The following FAM120B variants were observed in gnomAD, a reference collection of about 807,000 sequenced individuals.
The protein encoded by FAM120B is constitutive coactivator of peroxisome proliferator-activated receptor gamma.
A neutral mutation model predicts 96.3 loss-of-function variants in FAM120B; 83 were observed. That is an observed-to-expected ratio of 0.86 (90% CI 0.72 to 1.03). The LOEUF is 1.03. Among genes scored for constraint, FAM120B ranks in the 50% least tolerant of loss-of-function variants. The pLI, the probability that FAM120B is intolerant of heterozygous loss-of-function variation, is 0.00. For missense variants in FAM120B, 1,027 were observed against 1,121.2 expected, an observed-to-expected ratio of 0.92 and a Z score of 1.20; for synonymous variants, 407 against 402.7, an observed-to-expected ratio of 1.01 and a Z score of -0.13.
At chr6:170,298,306 C>A (rs1784067217) in intron 1 of FAM120B, 1 of 152,170 alleles carries the variant, frequency 6.6e-6, no homozygotes, top group African/African-American at 2.4e-5. Context: ...AAAGAAGGAA[C>A]AAAATTTAGG....
chr6:170,404,092 G>T (rs1303906835), intron 9 of FAM120B: 2 of 157,526 alleles, frequency 1.3e-5, no homozygotes, highest in Admixed American at 6.5e-5. Flanking sequence ...CTACTAGTAG[G>T]GAGGTTCTGC....
At chr6:170,383,125 G>T (rs1196033675) in intron 6 of FAM120B, among the ~76,000 whole-genome samples, 2 of 149,300 alleles carry the variant, frequency 1.3e-5, no homozygotes, top group East Asian at 3.9e-4. Flanking sequence ...AAAGGACCTT[G>T]TCTTTGGCCT....
At position 170,318,367 on chromosome 6, in the gene FAM120B, A is replaced by G; in HGVS notation, c.977A>G (p.Lys326Arg). The G allele has an allele frequency of 6.2e-7, 1 of 1,614,234 alleles. No individual in the cohort carries two copies. The highest frequency in any genetic ancestry group is 2.2e-5 in the East Asian group (1 of 44,886). The stretch of plus-strand genomic sequence containing the variant: ...CCCAAAGGTGTAATAACTTTGGACA[A>G]ACAAGTAATATCCACGAGTTCAGAC... The part of the protein sequence containing the change: ...QKPKGVITLD[K>R]QVISTSSDAE... The change falls in exon 2 of 11, where the codon AAA (lysine) becomes AGA (arginine). Residue 326 changes from lysine to arginine, a missense_variant. Lys to Arg is a conservative substitution (Grantham distance 26). Transcript: ENST00000476287.
intron 5 of FAM120B, among the ~76,000 whole-genome samples, chr6:170,351,589 G>A (rs1179652097): frequency 1.3e-5 from 2 of 152,234 alleles, no homozygotes; most frequent in African/African-American, 4.8e-5. Context: ...CAGACTAACA[G>A]CAGACCTCTC....
intron 1 of FAM120B, among the ~76,000 whole-genome samples, chr6:170,296,629 C>T (rs1784016927): frequency 2.0e-5 from 3 of 151,974 alleles, no homozygotes; most frequent in Middle Eastern, 6.8e-3. Flanking sequence ...CCCTGGGGGC[C>T]GGGGTCGGCG....
At chr6:170,293,068 T>C (rs996289751), upstream of FAM120B, among the ~76,000 whole-genome samples, 2 of 152,160 alleles carry the variant, frequency 1.3e-5, no homozygotes, top group Non-Finnish European at 2.9e-5. Flanking sequence ...AATTTAATCT[T>C]GCCACCTAGT....
chr6:170,396,640 G>A (rs186235125), intron 9 of FAM120B, among the ~76,000 whole-genome samples: 10 of 152,162 alleles, frequency 6.6e-5, no homozygotes, highest in Non-Finnish European at 1.2e-4. Context: ...CACTGAACAC[G>A]TGCAGTCCAT....
intron 4 of FAM120B, among the ~76,000 whole-genome samples, 184 bp from the exon 5 acceptor site, chr6:170,347,967 G>A (rs145865248): frequency 1.2e-3 from 179 of 152,168 alleles, no homozygotes; most frequent in Non-Finnish European, 2.3e-3. Context: ...TGAAACGTAC[G>A]TATGCCAGCC....
At chr6:170,301,555 G>GT (rs1048224121) in intron 1 of FAM120B, among the ~76,000 whole-genome samples, 3 of 152,154 alleles carry the variant, frequency 2.0e-5, no homozygotes, top group African/African-American at 7.2e-5. Context: ...CAGAAAATGG[G>GT]TTTTTTTAAT....
At chr6:170,395,329 G>A (rs1266993660) in intron 8 of FAM120B, among the ~76,000 whole-genome samples, 158 bp from the exon 9 acceptor site, 1 of 152,214 alleles carries the variant, frequency 6.6e-6, no homozygotes, top group Non-Finnish European at 1.5e-5. Flanking sequence ...GTTCTCTGGG[G>A]ATGCAACCCT....
intron 6 of FAM120B, among the ~76,000 whole-genome samples, chr6:170,360,240 T>C (rs1788253491): frequency 6.6e-6 from 1 of 152,244 alleles, no homozygotes; most frequent in African/African-American, 2.4e-5. Flanking sequence ...CTTAAGGACA[T>C]ACGGCAAGTA....
intron 1 of FAM120B, among the ~76,000 whole-genome samples, chr6:170,316,058 C>CA (rs35344814): frequency 0.4 from 36,576 of 91,632 alleles, 8,329 homozygotes; most frequent in Middle Eastern, 0.46. Context: ...GACCCGGTCT[C>CA]AAAAAAAAAA....
chr6:170,352,915 A>G (rs887261538), intron 5 of FAM120B, among the ~76,000 whole-genome samples: 2 of 152,170 alleles, frequency 1.3e-5, no homozygotes, highest in Non-Finnish European at 2.9e-5. Flanking sequence ...ATAGAGACAC[A>G]AAAAACCTTT....
chr6:170,363,805 C>A lies in FAM120B; in HGVS notation c.2283+5487C>A, dbSNP rs147809837. Among the ~76,000 whole-genome samples, 1 of 152,124 alleles carries A rather than the reference C, an allele frequency of 6.6e-6. No individual in the cohort carries two copies. The highest frequency in any genetic ancestry group is 1.5e-5 in the Non-Finnish European group (1 of 68,036). On this transcript the variant is annotated intron_variant, in intron 6 of 10. Transcript: ENST00000476287. This position sits in a 1 kb window ranked among gnomAD's most constrained non-coding sequence, Gnocchi z 4.5. ...TTTTAGACAGAGTCTCACCCTGTCA[C>A]CCAGGCTAGAGTGCAGTGGCGCGAA...
upstream of FAM120B, among the ~76,000 whole-genome samples, chr6:170,293,222 A>G (rs1164368825): frequency 6.6e-6 from 1 of 152,168 alleles, no homozygotes; most frequent in Non-Finnish European, 1.5e-5. Flanking sequence ...CAGGAGCAGA[A>G]GAAATGTAAA....
chr6:170,327,754 A>G (rs567878638), intron 3 of FAM120B, among the ~76,000 whole-genome samples: 23 of 132,436 alleles, frequency 1.7e-4, no homozygotes, highest in South Asian at 5.2e-4. Flanking sequence ...CCATGAGTGA[A>G]TGAAGAGTCA....
chr6:170,396,075 C>T (rs896164983), intron 9 of FAM120B, among the ~76,000 whole-genome samples: 7 of 152,178 alleles, frequency 4.6e-5, no homozygotes, highest in African/African-American at 9.7e-5. Flanking sequence ...TTAAATACAT[C>T]GAGAACTTCA....
At chr6:170,357,595 G>A (rs1409086043) in intron 5 of FAM120B, among the ~76,000 whole-genome samples, 1 of 152,230 alleles carries the variant, frequency 6.6e-6, no homozygotes, top group African/African-American at 2.4e-5. Context: ...GTTGCCAAAA[G>A]TGGATGATGA....
intron 4 of FAM120B, among the ~76,000 whole-genome samples, chr6:170,339,675 A>G (rs776680956): frequency 2.7e-5 from 4 of 150,494 alleles, no homozygotes; most frequent in Non-Finnish European, 4.4e-5. Flanking sequence ...GCTACTTGGG[A>G]GGCTGAGGCA....
Sources: allele counts gnomAD v4.1 joint callset (sites outside exome capture counted in the v4.1 genomes callset), GRCh38; gene constraint gnomAD v4.1.1; non-coding constraint Gnocchi (gnomAD v3.1); transcripts MANE v1.5; gene names NCBI Gene and HGNC (gene_info 2026-07-23, HGNC 2026-07-21).